Variants in DGKB observed in about 807,000 individuals in gnomAD.
The protein encoded by DGKB is 90 kDa diacylglycerol kinase.
A neutral mutation model predicts 114.3 loss-of-function variants in DGKB; 67 were observed. The ratio of observed to expected loss-of-function variants is 0.59; its 90% CI spans 0.48 to 0.72. DGKB has a LOEUF of 0.72. Ranked by LOEUF, DGKB falls within the 30% of genes least tolerant of loss-of-function variation. DGKB has a pLI of 0.00. For missense variants in DGKB, 907 were observed against 975.2 expected (o/e 0.93, Z 0.93); for synonymous variants, 398 against 323.1 (o/e 1.23, Z -2.49).
chr7:14,349,593 C>T (rs1813094953), intron 21 of DGKB, among the ~76,000 whole-genome samples: 1 of 152,104 alleles, frequency 6.6e-6, no homozygotes, highest in Non-Finnish European at 1.5e-5. Context: ...CATTACTGCT[C>T]ATGTGCAAAA....
intron 21 of DGKB, among the ~76,000 whole-genome samples, chr7:14,411,463 G>A (rs1824867963): frequency 6.6e-6 from 1 of 152,134 alleles, no homozygotes; most frequent in Admixed American, 6.6e-5. Context: ...AATCTCTGGA[G>A]AATGTCTGAC....
chr7:14,356,434 T>C (rs1157784104), intron 21 of DGKB, among the ~76,000 whole-genome samples: 1 of 142,716 alleles, frequency 7.0e-6, no homozygotes, highest in Non-Finnish European at 1.5e-5. Flanking sequence ...CGATCTCGGC[T>C]CACTGCAAGC....
intron 23 of DGKB, among the ~76,000 whole-genome samples, chr7:14,329,901 T>C (rs1809419591): frequency 6.6e-6 from 1 of 152,136 alleles, no homozygotes. Context: ...GTACGTTAAA[T>C]TGACTTAAAG....
chr7:14,690,709 T>C (rs910917013), intron 9 of DGKB, among the ~76,000 whole-genome samples: 2 of 152,256 alleles, frequency 1.3e-5, no homozygotes, highest in Admixed American at 1.3e-4. Context: ...CCAAAATTAC[T>C]TAATATCTCT....
At chr7:14,501,462 C>T (rs905156246) in intron 20 of DGKB, among the ~76,000 whole-genome samples, 2 of 151,746 alleles carry the variant, frequency 1.3e-5, no homozygotes, top group African/African-American at 4.8e-5. Context: ...AGAAACAGTA[C>T]AAAATGAAAA....
chr7:14,296,188 T>C (rs1802528595), intron 23 of DGKB, among the ~76,000 whole-genome samples: 1 of 151,950 alleles, frequency 6.6e-6, no homozygotes, highest in Non-Finnish European at 1.5e-5. Context: ...TGTGCCACCA[T>C]GCCCAGCTAA....
At chr7:14,610,255 G>C (rs1041258173) in intron 16 of DGKB, among the ~76,000 whole-genome samples, 3 of 152,066 alleles carry the variant, frequency 2.0e-5, no homozygotes, top group Admixed American at 6.6e-5. Flanking sequence ...ATTTCCCTAA[G>C]AGAATTAACA....
intron 13 of DGKB, among the ~76,000 whole-genome samples, chr7:14,656,695 C>T (rs1175495350): frequency 6.6e-6 from 1 of 150,486 alleles, no homozygotes; most frequent in Non-Finnish European, 1.5e-5. Context: ...ATTATTATTG[C>T]TTACCCTGGG....
intron 15 of DGKB, among the ~76,000 whole-genome samples, chr7:14,614,973 G>A (rs184366150): frequency 9.1e-4 from 139 of 152,028 alleles, no homozygotes; most frequent in Non-Finnish European, 1.6e-3. Flanking sequence ...TGGTGGCTGC[G>A]GATTGCAATG....
chr7:14,224,812 T>C (rs966572995), intron 23 of DGKB, among the ~76,000 whole-genome samples: 1 of 152,064 alleles, frequency 6.6e-6, no homozygotes, highest in Non-Finnish European at 1.5e-5. Flanking sequence ...GGACACTCTT[T>C]GACTATCTCT....
At chr7:14,685,408 A>G (rs1295986999) in intron 9 of DGKB, 46 bp from the exon 10 acceptor site, 5 of 1,390,706 alleles carry the variant, frequency 3.6e-6, no homozygotes, top group Admixed American at 1.7e-5. Context: ...TGAAATAAAC[A>G]GTGAAAGATG....
chr7:14,702,835 T>G (rs1825444835), intron 6 of DGKB, among the ~76,000 whole-genome samples: 1 of 152,180 alleles, frequency 6.6e-6, no homozygotes, highest in Non-Finnish European at 1.5e-5. Context: ...ATATTATTAT[T>G]AATAAGATGC....
intron 25 of DGKB, among the ~76,000 whole-genome samples, chr7:14,154,794 C>A (rs1404308073): frequency 1.3e-5 from 2 of 148,712 alleles, no homozygotes; most frequent in Non-Finnish European, 3.0e-5. Context: ...GATCTGTTGA[C>A]ACAGAAAAAA....
chr7:14,187,098 A>G (rs1010887335), intron 23 of DGKB, among the ~76,000 whole-genome samples: 9 of 152,272 alleles, frequency 5.9e-5, no homozygotes, highest in African/African-American at 2.2e-4. Flanking sequence ...ATAACACCTT[A>G]AAATAGTCCA....
intron 6 of DGKB, among the ~76,000 whole-genome samples, chr7:14,710,843 A>T (rs993996058): frequency 3.9e-5 from 6 of 152,104 alleles, no homozygotes; most frequent in African/African-American, 1.4e-4. Flanking sequence ...TGCCTGTAAT[A>T]ATCCCAAATT....
At position 14,673,038 on chromosome 7, in the gene DGKB, A is replaced by C; in HGVS notation, c.1036-11T>G. ...ACATTTATTATGCAGCTAGAAAAAC[A>C]GAAAGGGGGATAGTATCAAATTCTA... is the stretch of plus-strand genomic sequence containing the variant. On this transcript the variant is annotated splice_polypyrimidine_tract_variant and intron_variant, in intron 12 of 25. Transcript: ENST00000402815. The C allele has an allele frequency of 6.7e-7, 1 of 1,502,042 alleles. No homozygotes were observed. The highest frequency in any genetic ancestry group is 1.4e-5 in the African/African-American group (1 of 72,470). The allele number at this position is 1,502,042 out of a possible 1,614,324, so 93.0% of individuals were successfully genotyped here. A position where few individuals can be genotyped will look rare whatever the true frequency, so the allele number is the denominator to read the frequency against.
chr7:14,818,941 T>A (rs1844534150), intron 2 of DGKB, among the ~76,000 whole-genome samples: 1 of 152,170 alleles, frequency 6.6e-6, no homozygotes, highest in African/African-American at 2.4e-5. Context: ...GGCATAGCTC[T>A]GCAATCTAAG....
At chr7:14,817,255 A>T (rs528245642) in intron 2 of DGKB, among the ~76,000 whole-genome samples, 38 of 152,300 alleles carry the variant, frequency 2.5e-4, no homozygotes, top group African/African-American at 8.7e-4. Context: ...TACTTCTTCC[A>T]CTGAGAGTGC....
intron 2 of DGKB, among the ~76,000 whole-genome samples, chr7:14,790,492 A>G (rs1840516629): frequency 7.8e-6 from 1 of 127,558 alleles, no homozygotes; most frequent in African/African-American, 3.8e-5. Context: ...ATTTAGGCTC[A>G]TTTTTTTTGT....
Sources: allele counts gnomAD v4.1 joint callset (sites outside exome capture counted in the v4.1 genomes callset), GRCh38; gene constraint gnomAD v4.1.1; transcripts MANE v1.5; gene names NCBI Gene and HGNC (gene_info 2026-07-23, HGNC 2026-07-21).